The following STRBP variants were observed in gnomAD, a reference collection of about 807,000 sequenced individuals.
The protein encoded by STRBP is spermatid perinuclear RNA-binding protein.
STRBP carries 13 observed loss-of-function variants against 80.1 expected under a neutral mutation model. The ratio of observed to expected loss-of-function variants is 0.16; its 90% CI spans 0.11 to 0.26. The LOEUF is 0.26. Ranked by LOEUF, STRBP falls within the 10% of genes least tolerant of loss-of-function variation. The pLI, the probability that STRBP is intolerant of heterozygous loss-of-function variation, is 1.00. For missense variants in STRBP, 485 were observed against 815.2 expected (o/e 0.59, Z 4.93); for synonymous variants, 284 against 291.2 (o/e 0.98, Z 0.25).
intron 1 of STRBP, among the ~76,000 whole-genome samples, chr9:123,261,635 C>A (rs752342419): frequency 8.5e-5 from 13 of 152,122 alleles, no homozygotes; most frequent in Non-Finnish European, 1.9e-4. Context: ...TTTAAGATAC[C>A]GTATTTTTAA....
At chr9:123,258,710 A>G (rs1004945385) in intron 1 of STRBP, among the ~76,000 whole-genome samples, 1 of 151,690 alleles carries the variant, frequency 6.6e-6, no homozygotes, top group Non-Finnish European at 1.5e-5. Flanking sequence ...AGGCTGAGGC[A>G]GAATGGTGTG....
intron 2 of STRBP, chr9:123,116,135 C>T (rs2035641049): frequency 6.6e-6 from 3 of 455,520 alleles, no homozygotes; most frequent in Non-Finnish European, 1.3e-5. Flanking sequence ...GCTGAGACTT[C>T]CGAGAAGTCT....
chr9:123,165,317 T>A (rs936126744), intron 6 of STRBP, among the ~76,000 whole-genome samples: 1 of 148,902 alleles, frequency 6.7e-6, no homozygotes, highest in Non-Finnish European at 1.5e-5. Context: ...CTGGATAACG[T>A]AGATCCAGAA....
intron 13 of STRBP, among the ~76,000 whole-genome samples, chr9:123,143,257 G>A (rs2036667998): frequency 6.6e-6 from 1 of 152,174 alleles, no homozygotes; most frequent in Non-Finnish European, 1.5e-5. Flanking sequence ...CATGTAATAT[G>A]GATGATTATG....
chr9:123,144,087 A>T (rs574219470), intron 13 of STRBP, among the ~76,000 whole-genome samples: 24 of 151,816 alleles, frequency 1.6e-4, no homozygotes, highest in South Asian at 1.2e-3. Context: ...AATCCCAGCT[A>T]CCCAGGAGGC....
chr9:123,164,444 A>C (rs1219083855), intron 6 of STRBP, among the ~76,000 whole-genome samples: 3 of 152,202 alleles, frequency 2.0e-5, no homozygotes, highest in African/African-American at 7.2e-5. Context: ...TAGAAAGTCT[A>C]CTATGCCTAA....
intron 3 of STRBP, chr9:123,114,375 G>A (rs900125533): frequency 3.0e-5 from 5 of 167,172 alleles, no homozygotes; most frequent in Non-Finnish European, 7.3e-5. Flanking sequence ...ATGGGCTACA[G>A]ACTGTGTTCC....
At chr9:123,239,684 AT>A (rs2040652003) in intron 1 of STRBP, among the ~76,000 whole-genome samples, 1 of 152,192 alleles carries the variant, frequency 6.6e-6, no homozygotes, top group African/African-American at 2.4e-5. Context: ...ATCACCTACA[AT>A]TTACTAAATG....
At chr9:123,118,063 C>T (rs934674942), downstream of STRBP, among the ~76,000 whole-genome samples, 5 of 152,172 alleles carry the variant, frequency 3.3e-5, no homozygotes, top group Non-Finnish European at 5.9e-5. Flanking sequence ...TCCTGTCGGC[C>T]GCAGCCTTTT....
chr9:123,151,315 C>A (rs2132366232), intron 11 of STRBP, among the ~76,000 whole-genome samples: 1 of 152,190 alleles, frequency 6.6e-6, no homozygotes, highest in South Asian at 2.1e-4. Context: ...CAATTAATAA[C>A]AAACAACATC....
intron 2 of STRBP, among the ~76,000 whole-genome samples, chr9:123,190,902 C>G (rs2038900400): frequency 6.6e-6 from 1 of 152,206 alleles, no homozygotes; most frequent in Non-Finnish European, 1.5e-5. Context: ...AAACAACATT[C>G]AGCCAGACAG....
intron 16 of STRBP, among the ~76,000 whole-genome samples, chr9:123,134,250 G>A (rs954799276): frequency 1.3e-5 from 2 of 152,300 alleles, no homozygotes; most frequent in Admixed American, 1.3e-4. Flanking sequence ...CAAGAAAGTG[G>A]TGCAAAGCCT....
chr9:123,217,196 T>C (rs766656543), intron 2 of STRBP, among the ~76,000 whole-genome samples: 20 of 152,202 alleles, frequency 1.3e-4, no homozygotes, highest in Non-Finnish European at 2.6e-4. Context: ...GAGTTACTGA[T>C]ACTATCTTGT....
rs2035740535 is a variant in STRBP at position 123,121,715 on chromosome 9, G to A, written c.*3882C>T. 6.6e-6 allele frequency: 1 copy of A among 151,000 alleles called. No homozygotes were observed. The highest frequency in any genetic ancestry group is 2.4e-5 in the African/African-American group (1 of 40,996). 9.4% of individuals were successfully genotyped at this position (151,000 alleles called of 1,614,324 possible). On this transcript the variant is annotated 3_prime_UTR_variant, in exon 19 of 19. Coordinates refer to ENST00000348403, the MANE Select transcript of STRBP (RefSeq NM_018387.5). ...AGATCAGAGACTTTCATTTCTCGGA[G>A]AAGTTTTTCTCCTTGAGAAATTGGC...
chr9:123,156,688 A>C (rs2037300715), intron 11 of STRBP, among the ~76,000 whole-genome samples: 1 of 151,816 alleles, frequency 6.6e-6, no homozygotes, highest in Non-Finnish European at 1.5e-5. Flanking sequence ...CAAAAAAAAA[A>C]AAAAACCCCT....
intron 2 of STRBP, among the ~76,000 whole-genome samples, chr9:123,200,213 A>C (rs1482014270): frequency 1.3e-5 from 2 of 152,122 alleles, no homozygotes; most frequent in Non-Finnish European, 2.9e-5. Flanking sequence ...CTACTAGACA[A>C]GTTTCTTGAA....
At chr9:123,152,385 C>A (rs963666236) in intron 11 of STRBP, among the ~76,000 whole-genome samples, 1 of 151,798 alleles carries the variant, frequency 6.6e-6, no homozygotes, top group Non-Finnish European at 1.5e-5. Context: ...CCCACAAAAA[C>A]CTAAATTTTA....
chr9:123,132,695 C>T, intron 17 of STRBP, 150 bp downstream of exon 17: 2 of 1,162,402 alleles, frequency 1.7e-6, no homozygotes, highest in Non-Finnish European at 2.4e-6. Context: ...CTATGACATT[C>T]TGCCAATTCT....
chr9:123,221,205 C>A (rs1157406804), intron 2 of STRBP, among the ~76,000 whole-genome samples: 1 of 152,098 alleles, frequency 6.6e-6, no homozygotes, highest in Non-Finnish European at 1.5e-5. Flanking sequence ...AAGGGGTGCC[C>A]CTTTCCTACC....
Sources: allele counts gnomAD v4.1 joint callset (sites outside exome capture counted in the v4.1 genomes callset), GRCh38; gene constraint gnomAD v4.1.1; transcripts MANE v1.5; gene names NCBI Gene and HGNC (gene_info 2026-07-23, HGNC 2026-07-21).